Variants in WWOX observed in about 807,000 individuals in gnomAD.
WWOX encodes WW domain-containing oxidoreductase.
Under a neutral mutation model 46.2 loss-of-function variants are expected in WWOX, and 69 were observed. The ratio of observed to expected loss-of-function variants is 1.49; its 90% CI spans 1.23 to 1.82. The LOEUF is 1.82. WWOX is among the 40% of genes most tolerant of loss of function. WWOX has a pLI of 0.00. For synonymous variants in WWOX, 359 were observed against 202.6 expected (o/e 1.77, Z -6.56); for missense variants, 919 against 542.6 (o/e 1.69, Z -6.89).
intron 8 of WWOX, among the ~76,000 whole-genome samples, chr16:78,638,021 C>G (rs185881038): frequency 3.0e-4 from 46 of 152,254 alleles, no homozygotes; most frequent in African/African-American, 1.0e-3. Context: ...TGAGTTCTTC[C>G]CTGGGAAGCT....
At chr16:78,702,140 C>A in intron 8 of WWOX, among the ~76,000 whole-genome samples, 1 of 117,356 alleles carries the variant, frequency 8.5e-6, no homozygotes, top group Non-Finnish European at 1.6e-5. Flanking sequence ...ATTTTCAAGA[C>A]ATGGTGGCAT....
intron 8 of WWOX, among the ~76,000 whole-genome samples, chr16:78,529,565 C>G (rs984987099): frequency 6.6e-6 from 1 of 152,104 alleles, no homozygotes; most frequent in East Asian, 1.9e-4. Context: ...CTCTCGAGTT[C>G]AAGCGATTCT....
chr16:78,596,797 A>T (rs74774054), intron 8 of WWOX, among the ~76,000 whole-genome samples: 1,316 of 111,838 alleles, frequency 0.012, 18 homozygotes, highest in African/African-American at 0.042. Flanking sequence ...GATATAAATC[A>T]GCACGGTTTC....
At chr16:78,676,219 A>G (rs2047595844) in intron 8 of WWOX, among the ~76,000 whole-genome samples, 1 of 151,638 alleles carries the variant, frequency 6.6e-6, no homozygotes, top group Non-Finnish European at 1.5e-5. Flanking sequence ...GCTACCATCA[A>G]GCAGAAGAAG....
At chr16:78,730,207 G>A (rs1464935771) in intron 8 of WWOX, among the ~76,000 whole-genome samples, 1 of 152,062 alleles carries the variant, frequency 6.6e-6, no homozygotes, top group Non-Finnish European at 1.5e-5. Flanking sequence ...ATATGGTCAA[G>A]TTGCTTCCCA....
intron 8 of WWOX, among the ~76,000 whole-genome samples, chr16:79,114,326 G>T (rs974838079): frequency 3.3e-5 from 5 of 151,292 alleles, no homozygotes. Flanking sequence ...CCAGTGACTG[G>T]TGTCTTTATT....
chr16:78,733,574 T>A (rs1303131059), intron 8 of WWOX, among the ~76,000 whole-genome samples: 2 of 150,354 alleles, frequency 1.3e-5, no homozygotes, highest in Non-Finnish European at 3.0e-5. Flanking sequence ...GATGAAACCC[T>A]ATCTCTACTG....
At chr16:79,174,040 A>C (rs1340285364) in intron 8 of WWOX, among the ~76,000 whole-genome samples, 1 of 152,218 alleles carries the variant, frequency 6.6e-6, no homozygotes, top group Non-Finnish European at 1.5e-5. Flanking sequence ...AAGATACGCA[A>C]TTGTAAGTGG....
chr16:78,872,997 A>G (rs975375659), intron 8 of WWOX: 1 of 152,144 alleles, frequency 6.6e-6, no homozygotes, highest in Admixed American at 6.6e-5. Context: ...AGGTCTTGCT[A>G]TGCTGCCCAG....
intron 8 of WWOX, among the ~76,000 whole-genome samples, chr16:78,639,346 C>T (rs569204909): frequency 4.6e-5 from 7 of 152,266 alleles, no homozygotes; most frequent in South Asian, 2.1e-4. Flanking sequence ...CACACCTTGC[C>T]GTATATGACT....
chr16:78,948,608 C>T (rs902695826), intron 8 of WWOX, among the ~76,000 whole-genome samples: 2 of 151,974 alleles, frequency 1.3e-5, no homozygotes, highest in Non-Finnish European at 2.9e-5. Context: ...TGTGGTCCTG[C>T]TTGTCTGAAG....
intron 8 of WWOX, among the ~76,000 whole-genome samples, chr16:78,736,852 C>T (rs1025279448): frequency 5.9e-5 from 9 of 152,214 alleles, no homozygotes; most frequent in Middle Eastern, 6.8e-3. Flanking sequence ...CATACAATTC[C>T]CCTGCCTCAG....
chr16:79,119,165 C>T (rs1431107652), intron 8 of WWOX, among the ~76,000 whole-genome samples: 2 of 150,500 alleles, frequency 1.3e-5, no homozygotes, highest in African/African-American at 4.9e-5. Flanking sequence ...AGTCCAGTTT[C>T]GTCTAACCAG....
At chr16:78,195,870 T>G (rs1196714999) in intron 5 of WWOX, among the ~76,000 whole-genome samples, 1 of 149,018 alleles carries the variant, frequency 6.7e-6, no homozygotes, top group East Asian at 2.0e-4. Flanking sequence ...ATGTGGAATA[T>G]GAGACAAATG....
intron 8 of WWOX, among the ~76,000 whole-genome samples, chr16:78,922,806 C>T (rs1372700752): frequency 6.6e-6 from 1 of 152,178 alleles, no homozygotes; most frequent in Admixed American, 6.5e-5. Flanking sequence ...ACTAAAGGAA[C>T]TGGAGCTTGG....
chr16:79,022,066 A>G (rs2047544869), intron 8 of WWOX, among the ~76,000 whole-genome samples: 1 of 152,224 alleles, frequency 6.6e-6, no homozygotes, highest in Admixed American at 6.5e-5. Context: ...ACAAAGAGAG[A>G]TGGGGATGCC....
At chr16:79,023,186 T>G (rs1300607772) in intron 8 of WWOX, among the ~76,000 whole-genome samples, 1 of 152,228 alleles carries the variant, frequency 6.6e-6, no homozygotes, top group Non-Finnish European at 1.5e-5. Context: ...AATGGAAAGC[T>G]TGAAAGCAAT....
At chr16:78,337,556 TA>T (rs774954593) in intron 5 of WWOX, among the ~76,000 whole-genome samples, 8 of 152,194 alleles carry the variant, frequency 5.3e-5, no homozygotes, top group Non-Finnish European at 1.0e-4. Context: ...GTTCAATGCA[TA>T]ATGACAGGTG....
chr16:79,017,041 T>A (rs915569910), intron 8 of WWOX: 10 of 152,122 alleles, frequency 6.6e-5, no homozygotes, highest in African/African-American at 2.4e-4. Context: ...AAGAATAATA[T>A]GAGCACTGAG....
Sources: gnomAD v4.1 joint callset for allele counts (sites outside exome capture counted in the v4.1 genomes callset) on GRCh38, gnomAD v4.1.1 for gene constraint, MANE v1.5 for transcripts, NCBI Gene and HGNC (gene_info 2026-07-23, HGNC 2026-07-21) for gene names.